The following ADCY9 variants were observed in gnomAD, a reference collection of about 807,000 sequenced individuals.
ADCY9 encodes the protein adenylate cyclase 9.
A neutral mutation model predicts 101.5 loss-of-function variants in ADCY9; 50 were observed. The observed-to-expected ratio is 0.49, with a 90% confidence interval of 0.39 to 0.62. The LOEUF (loss-of-function observed/expected upper bound fraction) is 0.62. ADCY9 is among the 20% of genes least tolerant of loss of function. ADCY9 has a pLI of 0.00. For missense variants in ADCY9, 1,662 were observed against 1,800.4 expected, an observed-to-expected ratio of 0.92 and a Z score of 1.39; for synonymous variants, 905 against 769.3, an observed-to-expected ratio of 1.18 and a Z score of -2.92.
At chr16:4,003,817 G>A (rs965191879) in intron 3 of ADCY9, among the ~76,000 whole-genome samples, 3 of 151,942 alleles carry the variant, frequency 2.0e-5, no homozygotes, top group Admixed American at 6.6e-5. Context: ...CCTCCCCTCC[G>A]CGACGCTGAC....
chr16:3,991,660 C>A (rs193139135), intron 5 of ADCY9, among the ~76,000 whole-genome samples: 51 of 150,780 alleles, frequency 3.4e-4, no homozygotes, highest in Admixed American at 1.1e-3. Flanking sequence ...ACTTGAGAGA[C>A]CTAGGCAGGA....
chr16:4,010,886 G>C (rs767653983), intron 2 of ADCY9, among the ~76,000 whole-genome samples: 2 of 152,300 alleles, frequency 1.3e-5, no homozygotes, highest in Non-Finnish European at 2.9e-5. Flanking sequence ...GGGGCTTGCT[G>C]TAAGGGGCTC....
In ADCY9 at chr16:4,093,783, T is replaced by TA. The variant is rs536919211; in HGVS notation, c.1693+19966dup. ...CAAAATAATTAATTAATTAATTGTT[T>TA]AAAAAATCAAAGAATAGCTTAAAAT... On this transcript the variant is annotated intron_variant, in intron 2 of 10. Transcript: ENST00000294016. 3.4e-4 allele frequency among the ~76,000 whole-genome samples: 51 copies of TA among 152,156 alleles called. 1 individual carries two copies. In the South Asian group the frequency reaches 0.01, roughly 30 times the overall value.
intron 2 of ADCY9, among the ~76,000 whole-genome samples, chr16:4,035,584 G>A (rs901985177): frequency 3.3e-5 from 5 of 152,070 alleles, no homozygotes; most frequent in Admixed American, 2.0e-4. Context: ...ACACACACGA[G>A]GAAAGATGGG....
At chr16:3,977,667 C>T in intron 8 of ADCY9, 37 bp from the exon 9 acceptor site, 8 of 1,585,726 alleles carry the variant, frequency 5.0e-6, no homozygotes, top group Non-Finnish European at 6.9e-6. Context: ...CCGCCCAGGG[C>T]CACCCCGCCA....
At chr16:4,013,017 C>T (rs537691803) in intron 2 of ADCY9, among the ~76,000 whole-genome samples, 4 of 152,076 alleles carry the variant, frequency 2.6e-5, no homozygotes, top group South Asian at 2.1e-4. Context: ...TCTCGGAGGC[C>T]GCGGCAGGAG....
Position 3,966,273 on chromosome 16 carries a change from T to TC in ADCY9, c.3563dup (p.Asp1189ArgfsTer34). 1 of 1,614,134 alleles carries TC rather than the reference T, an allele frequency of 6.2e-7. No homozygotes were observed. The highest frequency in any genetic ancestry group is 2.2e-5 in the East Asian group (1 of 44,878). On this transcript the variant is annotated frameshift_variant, in exon 11 of 11. Transcript: ENST00000294016. LOFTEE classifies it high-confidence loss of function. ...TCCTGCTGGCGATGTTGACGGTGTC[T>TC]CCCCAGATGTCGTACAGCAGCTTGG...
rs748999252 is a variant in ADCY9 at position 4,115,056 on chromosome 16, C to G, written c.387G>C (p.Leu129=). The G allele has an allele frequency of 2.6e-5, 42 of 1,613,982 alleles. No homozygotes were observed. The highest frequency in any genetic ancestry group is 3.5e-5 in the Non-Finnish European group (41 of 1,180,048). ...TGTGGACCGCAAAATAGATGCTCCA[C>G]AGAAGGCAGGCGAAGCCGATGTAGA... is the stretch of plus-strand genomic sequence containing the variant. ...ALFYIGFACL[L]WSIYFAVHMR... The change falls in exon 2 of 11, where the codon CTG becomes CTC. Residue 129 remains leucine (L), a synonymous_variant. Coordinates refer to ENST00000294016, the MANE Select transcript of ADCY9 (RefSeq NM_001116.4). The surrounding 1 kb of genome is among the most constrained non-coding windows in gnomAD (Gnocchi z 6.2).
chr16:4,012,842 G>A (rs970986771), intron 2 of ADCY9, among the ~76,000 whole-genome samples: 1 of 152,238 alleles, frequency 6.6e-6, no homozygotes, highest in Non-Finnish European at 1.5e-5. Flanking sequence ...GGAAAAGAGT[G>A]ATGGGCGAGG....
intron 2 of ADCY9, among the ~76,000 whole-genome samples, chr16:4,021,453 A>G (rs1199172288): frequency 6.6e-6 from 1 of 152,188 alleles, no homozygotes; most frequent in African/African-American, 2.4e-5. Context: ...CCAGGTCCCT[A>G]CTGCCTCGGG....
At chr16:4,100,505 A>G (rs1597226586) in intron 2 of ADCY9, among the ~76,000 whole-genome samples, 1 of 151,950 alleles carries the variant, frequency 6.6e-6, no homozygotes, top group East Asian at 1.9e-4. Context: ...AATTTTTTGT[A>G]TTTTTAGTAG....
intron 2 of ADCY9, among the ~76,000 whole-genome samples, chr16:4,068,439 CTAGA>C (rs1283942136): frequency 2.0e-5 from 3 of 152,104 alleles, no homozygotes; most frequent in Admixed American, 6.6e-5. Context: ...TATTATCTCT[CTAGA>C]CCCACATTAT....
At chr16:3,969,358 C>T (rs1042941356) in intron 10 of ADCY9, among the ~76,000 whole-genome samples, 3 of 150,852 alleles carry the variant, frequency 2.0e-5, no homozygotes, top group Admixed American at 6.6e-5. Context: ...ACGATTCTTG[C>T]GGCCCAGCCT....
At chr16:4,108,565 G>T (rs2057093255) in intron 2 of ADCY9, among the ~76,000 whole-genome samples, 1 of 151,498 alleles carries the variant, frequency 6.6e-6, no homozygotes, top group African/African-American at 2.4e-5. Flanking sequence ...GTAGAGACAG[G>T]GTTTCACCAT....
chr16:4,100,710 T>C, intron 2 of ADCY9, among the ~76,000 whole-genome samples: 1 of 135,564 alleles, frequency 7.4e-6, no homozygotes, highest in Non-Finnish European at 1.5e-5. Context: ...GCCACTGCAC[T>C]CCAACCTGGG....
rs140594103 is a variant in ADCY9 at position 4,030,608 on chromosome 16, C to G, written c.1694-23050G>C. Among the ~76,000 whole-genome samples the G allele has an allele frequency of 6.3e-3, 954 of 151,946 alleles. 8 individuals are homozygous for G. The highest frequency in any genetic ancestry group is 0.018 in the South Asian group (87 of 4,808). On this transcript the variant is annotated intron_variant, in intron 2 of 10. Coordinates refer to ENST00000294016, the MANE Select transcript of ADCY9 (RefSeq NM_001116.4). Reference sequence around the variant, plus strand: ...GTCCCAGCTCCTCAGGAAGCTGAGGCAGGAGAATCACTTGAACCTGGGAGG... The same window carrying G: ...GTCCCAGCTCCTCAGGAAGCTGAGGGAGGAGAATCACTTGAACCTGGGAGG...
intron 2 of ADCY9, among the ~76,000 whole-genome samples, chr16:4,022,610 G>A (rs948322284): frequency 2.7e-5 from 4 of 150,382 alleles, no homozygotes; most frequent in Admixed American, 6.6e-5. Context: ...GTGCATATGT[G>A]TATACCTGCA....
At position 3,993,516 on chromosome 16, in the gene ADCY9, A is replaced by G. The variant is rs547654501; in HGVS notation, c.1885-6T>C. 5 of 1,613,774 alleles carry G rather than the reference A, an allele frequency of 3.1e-6. No individual in the cohort carries two copies. In the South Asian group the frequency reaches 5.5e-5, roughly 18 times the overall value. ...ATTCCGCACGAAGGGCAGGTCTAGA[A>G]GAAAAACACAGACTGTGGGGACACA... On this transcript the variant is annotated splice_region_variant and splice_polypyrimidine_tract_variant and intron_variant, in intron 3 of 10. Coordinates refer to ENST00000294016, the MANE Select transcript of ADCY9 (RefSeq NM_001116.4).
Position 4,027,877 on chromosome 16 carries a change from C to CA in ADCY9, c.1694-20320dup, listed in dbSNP as rs1230088772. 4.7e-3 allele frequency among the ~76,000 whole-genome samples: 443 copies of CA among 94,444 alleles called. 1 individual carries two copies. The highest frequency in any genetic ancestry group is 9.2e-3 in the South Asian group (28 of 3,054). The allele number at this position is 94,444 out of a possible 152,430, so 62.0% of individuals were successfully genotyped here. On this transcript the variant is annotated intron_variant, in intron 2 of 10. Coordinates refer to ENST00000294016, the MANE Select transcript of ADCY9 (RefSeq NM_001116.4). ...GGGTGACAAGAGCAAAATTCCGTTT[C>CA]AAAAAAAAAAAAAAGAAAAAAAACC...
Sources: gnomAD v4.1 joint callset for allele counts (sites outside exome capture counted in the v4.1 genomes callset) on GRCh38, gnomAD v4.1.1 for gene constraint, Gnocchi (gnomAD v3.1) non-coding constraint, MANE v1.5 for transcripts, NCBI Gene and HGNC (gene_info 2026-07-23, HGNC 2026-07-21) for gene names.